LRP1: variants seen among roughly 807,000 people sequenced by gnomAD.
The protein encoded by LRP1 is LDL receptor related protein 1.
LRP1 carries 51 observed loss-of-function variants against 541.5 expected under a neutral mutation model. That is an observed-to-expected ratio of 0.09 (90% CI 0.08 to 0.12). The LOEUF is 0.12. Among genes scored for constraint, LRP1 ranks in the 10% least tolerant of loss-of-function variants. The probability of loss-of-function intolerance (pLI) is 1.00; values close to 1 mark genes in which losing one functional copy is unlikely to be tolerated. For missense variants in LRP1, 3,878 were observed against 6,376.2 expected (o/e 0.61, Z 13.34); for synonymous variants, 2,219 against 2,470.8 (o/e 0.90, Z 3.02).
At position 57,145,215 on chromosome 12, in the gene LRP1, C is replaced by T. The variant is rs1457364525; in HGVS notation, c.578-12C>T. ...CCCTGGCTGCACGGACTCTTCTCTT[C>T]CCCATTCCCAGAGCCAGTAGACCGG... On this transcript the variant is annotated splice_polypyrimidine_tract_variant and intron_variant, in intron 5 of 88. Transcript: ENST00000243077. The T allele has an allele frequency of 6.2e-7, 1 of 1,614,076 alleles. No individual in the cohort carries two copies. The highest frequency in any genetic ancestry group is 8.5e-7 in the Non-Finnish European group (1 of 1,179,986).
At chr12:57,193,838 G>A (rs78714627) in intron 47 of LRP1, 61 bp from the exon 48 acceptor site, 46 of 1,592,036 alleles carry the variant, frequency 2.9e-5, no homozygotes, top group Admixed American at 6.7e-5. Flanking sequence ...TCTGTCCTGC[G>A]TCCTTCTGGC....
rs574472742 is a variant in LRP1 at position 57,212,436 on chromosome 12, G to A, written c.13516G>A (p.Val4506Met). The A allele has an allele frequency of 6.8e-6, 11 of 1,614,090 alleles. No homozygotes were observed. The highest frequency in any genetic ancestry group is 2.7e-5 in the African/African-American group (2 of 75,036). Reference sequence around the variant, plus strand: ...GCAGCCCACCAACTTCACCAACCCCGTGTATGCCACACTCTACATGGGGGG... The same window carrying A: ...GCAGCCCACCAACTTCACCAACCCCATGTATGCCACACTCTACATGGGGGG... ...PDKPTNFTNP[V>M]YATLYMGGHG... Residue 4506 changes from valine to methionine, a missense_variant, in exon 89 of 89, where the codon GTG becomes ATG. This residue lies in a region of LRP1 where 871 missense variants were observed against 1,212.4 expected (regional missense o/e 0.72). Transcript: ENST00000243077. The surrounding 1 kb of genome is among the most constrained non-coding windows in gnomAD (Gnocchi z 5.0).
chr12:57,195,227 C>G, intron 51 of LRP1, 44 bp from the exon 52 acceptor site: 3 of 1,606,508 alleles, frequency 1.9e-6, no homozygotes, highest in Non-Finnish European at 2.6e-6. Context: ...TAGACCTGAT[C>G]TACCCGCTCC....
In LRP1 at chr12:57,180,316, T is replaced by TC. The variant is rs1050958403; in HGVS notation, c.5237-9dup. The TC allele has an allele frequency of 6.2e-6, 10 of 1,613,128 alleles. No individual in the cohort carries two copies. ...CTGGGCCAGACTCCCCGGCAGTGAC[T>TC]CCCCCTTTTCCAGGCCTGGCTATTG... On this transcript the variant is annotated splice_polypyrimidine_tract_variant and intron_variant, in intron 31 of 88. Transcript: ENST00000243077.
Position 57,192,998 on chromosome 12 carries a change from C to T in LRP1, c.7555+28C>T, listed in dbSNP as rs373487281. 5.5e-5 allele frequency: 88 copies of T among 1,605,630 alleles called. No individual in the cohort carries two copies. In the African/African-American group the frequency reaches 6.3e-4, roughly 11 times the overall value. ...GAGAGAGGCGGGGGGGAGGGGCTGG[C>T]GGGGAACCCAAGCACACACCAGGGA... On this transcript the variant is annotated intron_variant, in intron 45 of 88. Coordinates refer to ENST00000243077, the MANE Select transcript of LRP1 (RefSeq NM_002332.3).
chr12:57,201,042 G>A lies in LRP1; in HGVS notation c.10234G>A (p.Val3412Ile), dbSNP rs150254492. 53 of 1,613,896 alleles carry A rather than the reference G, an allele frequency of 3.3e-5. No individual in the cohort carries two copies. The highest frequency in any genetic ancestry group is 4.0e-5 in the Non-Finnish European group (47 of 1,180,002). Residue 3412 changes from valine (V) to isoleucine (I), a missense_variant, in exon 65 of 89, where the codon GTC (valine) becomes ATC (isoleucine). This residue lies in a region of LRP1 where 278 missense variants were observed against 536.3 expected (regional missense o/e 0.52). Coordinates refer to ENST00000243077, the MANE Select transcript of LRP1 (RefSeq NM_002332.3). This position sits in a 1 kb window ranked among gnomAD's most constrained non-coding sequence, Gnocchi z 6.4. ...TCCTCCTCCCTCCACAGACATCCAC[G>A]TCTGCTTGCCCAGTCAGTTCAAATG... Reference protein sequence around the residue: ...NSDEANCDIHVCLPSQFKCTN... With the variant: ...NSDEANCDIHICLPSQFKCTN...
At position 57,183,371 on chromosome 12, in the gene LRP1, T is replaced by C; in HGVS notation, c.5663-8T>C. The C allele has an allele frequency of 6.3e-7, 1 of 1,595,552 alleles. No individual in the cohort carries two copies. The highest frequency in any genetic ancestry group is 2.3e-5 in the East Asian group (1 of 44,390). Reference sequence around the variant, plus strand: ...GATACCCATGCCTTAAGTTTCCTTGTCTTTCAGGCGTAGGTTCCTTTCTCC... The same window carrying C: ...GATACCCATGCCTTAAGTTTCCTTGCCTTTCAGGCGTAGGTTCCTTTCTCC... On this transcript the variant is annotated splice_region_variant and splice_polypyrimidine_tract_variant and intron_variant, in intron 34 of 88. Transcript: ENST00000243077. This position sits in a 1 kb window ranked among gnomAD's most constrained non-coding sequence, Gnocchi z 6.1.
At chr12:57,207,181 T>C (rs1179660024) in intron 76 of LRP1, among the ~76,000 whole-genome samples, 1 of 151,202 alleles carries the variant, frequency 6.6e-6, no homozygotes, top group Non-Finnish European at 1.5e-5. Context: ...AGGCGGAGCT[T>C]GCAGTGAGCC....
At chr12:57,141,261 A>T in intron 2 of LRP1, 113 bp from the exon 3 acceptor site, 1 of 1,222,336 alleles carries the variant, frequency 8.2e-7, no homozygotes, top group South Asian at 1.4e-5. Context: ...ACTAGCCCCG[A>T]GGCCTCCTGA....
At position 57,201,797 on chromosome 12, in the gene LRP1, G is replaced by A. The variant is rs2036661885; in HGVS notation, c.10486G>A (p.Val3496Met). The change falls in exon 67 of 89, where the codon GTG (valine) becomes ATG (methionine). Residue 3496 changes from valine to methionine, a missense_variant. Val to Met is a conservative substitution (Grantham distance 21). Transcript: ENST00000243077. This position sits in a 1 kb window ranked among gnomAD's most constrained non-coding sequence, Gnocchi z 6.4. ...PANCTQMTCG[V>M]DEFRCKDSGR... ...GCTTGCAGCCCAGATGACCTGTGGT[G>A]TGGACGAGTTCCGCTGCAAGGATTC... The A allele has an allele frequency of 1.2e-6, 2 of 1,614,086 alleles. No homozygotes were observed. The highest frequency in any genetic ancestry group is 1.7e-6 in the Non-Finnish European group (2 of 1,180,010).
rs1462418853 is a variant in LRP1, at chr12:57,201,372, G to A, written c.10346-125G>A. On this transcript the variant is annotated intron_variant, in intron 65 of 88. Coordinates refer to ENST00000243077, the MANE Select transcript of LRP1 (RefSeq NM_002332.3). This position sits in a 1 kb window ranked among gnomAD's most constrained non-coding sequence, Gnocchi z 6.4. ...AAAGCACCAAAACTGGGGATAAACT[G>A]TTCCTTCCTCCGAAGAAGTTGCTGG... The A allele has an allele frequency of 8.3e-6, 12 of 1,447,748 alleles. No homozygotes were observed. The highest frequency in any genetic ancestry group is 1.4e-5 in the South Asian group (1 of 73,354). 89.7% of individuals were successfully genotyped at this position (1,447,748 alleles called of 1,614,324 possible). A position where few individuals can be genotyped will look rare whatever the true frequency, so the allele number is the denominator to read the frequency against.
At chr12:57,149,325 T>G in intron 6 of LRP1, 1 of 438,496 alleles carries the variant, frequency 2.3e-6, no homozygotes. Context: ...CTGTTCTGAG[T>G]TTCCTAATCA....
rs928718313 is a variant in LRP1, at chr12:57,206,117, C to T, written c.11591-356C>T. 6.6e-6 allele frequency among the ~76,000 whole-genome samples: 1 copy of T among 152,234 alleles called. No homozygotes were observed. Among genetic ancestry groups the T allele is most frequent in the African/African-American group, 2.4e-5 (1 of 41,452 alleles). Reference sequence around the variant, plus strand: ...ACACCCTCGTGCTCCATGCCAAGCACACACACCCCATGTGCCTATGCACCC... The same window carrying T: ...ACACCCTCGTGCTCCATGCCAAGCATACACACCCCATGTGCCTATGCACCC... On this transcript the variant is annotated intron_variant, in intron 75 of 88. Coordinates refer to ENST00000243077, the MANE Select transcript of LRP1 (RefSeq NM_002332.3). The surrounding 1 kb of genome is among the most constrained non-coding windows in gnomAD (Gnocchi z 4.7).
At chr12:57,129,800 C>T (rs2034999947) in intron 1 of LRP1, among the ~76,000 whole-genome samples, 1 of 151,878 alleles carries the variant, frequency 6.6e-6, no homozygotes, top group Admixed American at 6.6e-5. Flanking sequence ...GCCTGGAATG[C>T]TGGGGTAGGA....
chr12:57,141,498 G>A lies in LRP1; in HGVS notation c.315G>A (p.Gly105=). Residue 105 remains glycine (G), a synonymous_variant, in exon 3 of 89, where the codon GGG becomes GGA. Transcript: ENST00000243077. ...ACTGCATGGACGGCTCAGATGAGGGGCCCCACTGCCGAGGTAAGGACTTTT... is the reference window on the plus strand; with the variant it reads ...ACTGCATGGACGGCTCAGATGAGGGACCCCACTGCCGAGGTAAGGACTTTT... ...VQDCMDGSDE[G]PHCRELQGNC... 1 of 1,614,226 alleles carries A rather than the reference G, an allele frequency of 6.2e-7. No homozygotes were observed.
Position 57,156,937 on chromosome 12 carries a change from G to C in LRP1, c.1561+17G>C. The stretch of plus-strand genomic sequence containing the variant: ...CATGCAAGAGTGAGTGACAGGGAAG[G>C]GGGTGTGTGCCCATTGGGAGGCTGC... On this transcript the variant is annotated intron_variant, in intron 10 of 88. Coordinates refer to ENST00000243077, the MANE Select transcript of LRP1 (RefSeq NM_002332.3). This position sits in a 1 kb window ranked among gnomAD's most constrained non-coding sequence, Gnocchi z 5.2. The C allele has an allele frequency of 6.4e-7, 1 of 1,557,656 alleles. No homozygotes were observed. The highest frequency in any genetic ancestry group is 1.1e-5 in the South Asian group (1 of 87,538).
In LRP1 at chr12:57,196,001, A is replaced by C. The variant is rs7397167; in HGVS notation, c.8699A>C (p.Gln2900Pro). Residue 2900 changes from glutamine (Q) to proline (P), a missense_variant and splice_region_variant, in exon 54 of 89, where the codon CAA becomes CCA. Physicochemically the swap from Gln to Pro is moderately conservative, Grantham distance 76. Transcript: ENST00000243077. ...EAPKNPHCTS[Q>P]EHKCNASSQF... ...CCCAAGAACCCACACTGCACCAGCC[A>C]AGGTGGGCCCCAGACCTGGCTCCCC... The C allele has an allele frequency of 1, 1,609,917 of 1,612,770 alleles. 803,576 individuals are homozygous for C. Among genetic ancestry groups the C allele is most frequent in the East Asian group, 1 (44,878 of 44,878 alleles).
At position 57,205,977 on chromosome 12, in the gene LRP1, G is replaced by T. The variant is rs530825322; in HGVS notation, c.11590+300G>T. Among the ~76,000 whole-genome samples, 1 of 152,294 alleles carries T rather than the reference G, an allele frequency of 6.6e-6. No homozygotes were observed. Among genetic ancestry groups the T allele is most frequent in the East Asian group, 1.9e-4 (1 of 5,186 alleles). On this transcript the variant is annotated intron_variant, in intron 75 of 88. Transcript: ENST00000243077. The surrounding 1 kb of genome is among the most constrained non-coding windows in gnomAD (Gnocchi z 4.6). ...CGCATTGCACACTCACAGTCATGGG[G>T]GCCTCACCTGCACATTCCCCACATG... is the stretch of plus-strand genomic sequence containing the variant.
At chr12:57,145,595 C>G in intron 6 of LRP1, 105 bp downstream of exon 6, 6 of 1,416,452 alleles carry the variant, frequency 4.2e-6, no homozygotes, top group Non-Finnish European at 5.8e-6. Flanking sequence ...ATGGTCCTGT[C>G]TGGGGCAGGA....
Sources: allele counts gnomAD v4.1 joint callset (sites outside exome capture counted in the v4.1 genomes callset), GRCh38; gene constraint gnomAD v4.1.1; regional missense constraint gnomAD v4.1.1; non-coding constraint Gnocchi (gnomAD v3.1); transcripts MANE v1.5; gene names NCBI Gene and HGNC (gene_info 2026-07-23, HGNC 2026-07-21).